Variants in DNAJC5B observed in about 807,000 individuals in gnomAD.
DNAJC5B encodes DnaJ heat shock protein family (Hsp40) member C5 beta, also known as dnaJ homolog subfamily C member 5B.
In DNAJC5B, 23 loss-of-function variants were observed where a neutral mutation model predicts 24.7. That is an observed-to-expected ratio of 0.93 (90% CI 0.67 to 1.32). The LOEUF is 1.32. Among genes scored for constraint, DNAJC5B ranks in the 40% most tolerant of loss-of-function variants. DNAJC5B has a pLI of 0.00. For synonymous variants in DNAJC5B, 101 were observed against 90.1 expected (o/e 1.12, Z -0.68); for missense variants, 238 against 240.8 (o/e 0.99, Z 0.08).
intron 5 of DNAJC5B, among the ~76,000 whole-genome samples, chr8:66,089,162 G>T (rs1563611743): frequency 6.6e-6 from 1 of 152,210 alleles, no homozygotes; most frequent in East Asian, 1.9e-4. Context: ...TGAAGGAGAA[G>T]CAAGCACCTT....
chr8:66,053,385 C>T (rs1185946772), intron 3 of DNAJC5B, among the ~76,000 whole-genome samples: 2 of 152,068 alleles, frequency 1.3e-5, no homozygotes, highest in Non-Finnish European at 1.5e-5. Flanking sequence ...TTAAGATTCA[C>T]CTGTGGGTTT....
chr8:66,080,398 C>G lies in DNAJC5B; in HGVS notation c.355C>G (p.Leu119Val). ...CTAGGCCCTGTTTGTCATCGTTGGC[C>G]TCTTGACGGGCTGCTACTTTTGCTG... ...WAKALFVIVG[L>V]LTGCYFCCCL... Residue 119 changes from leucine (L) to valine (V), a missense_variant, in exon 5 of 6, where the codon CTC becomes GTC. Leu to Val is a conservative substitution (Grantham distance 32, BLOSUM62 1). Coordinates refer to ENST00000276570, the MANE Select transcript of DNAJC5B (RefSeq NM_033105.6). 1 of 1,613,448 alleles carries G rather than the reference C, an allele frequency of 6.2e-7. No homozygotes were observed. Among genetic ancestry groups the G allele is most frequent in the South Asian group, 1.1e-5 (1 of 91,002 alleles).
chr8:66,099,110 T>C (rs943263184), intron 5 of DNAJC5B, among the ~76,000 whole-genome samples: 1 of 151,940 alleles, frequency 6.6e-6, no homozygotes, highest in Non-Finnish European at 1.5e-5. Flanking sequence ...GAGCTCATGT[T>C]TCTTGCAATT....
intron 3 of DNAJC5B, among the ~76,000 whole-genome samples, chr8:66,069,102 GA>G (rs1399155378): frequency 2.0e-5 from 3 of 150,962 alleles, no homozygotes; most frequent in Non-Finnish European, 4.4e-5. Flanking sequence ...AACCAACAGG[GA>G]AAAAAAGTAG....
chr8:66,087,585 G>A (rs1807755519), intron 5 of DNAJC5B, among the ~76,000 whole-genome samples: 1 of 152,146 alleles, frequency 6.6e-6, no homozygotes, highest in East Asian at 1.9e-4. Flanking sequence ...AAAATCAAAA[G>A]CAAGTTAGTT....
At chr8:66,074,650 G>T (rs951226849) in intron 3 of DNAJC5B, among the ~76,000 whole-genome samples, 3 of 152,122 alleles carry the variant, frequency 2.0e-5, no homozygotes, top group Admixed American at 1.3e-4. Flanking sequence ...CAATGGATAG[G>T]TGCCTATTCT....
chr8:66,024,417 T>TC (rs1366389628), intron 1 of DNAJC5B, among the ~76,000 whole-genome samples: 6 of 125,872 alleles, frequency 4.8e-5, no homozygotes, highest in African/African-American at 1.7e-4. Context: ...TTTTTTTTTT[T>TC]TTTTAATGTT....
At chr8:66,020,823 A>T (rs1806101823), upstream of DNAJC5B, among the ~76,000 whole-genome samples, 1 of 152,032 alleles carries the variant, frequency 6.6e-6, no homozygotes, top group South Asian at 2.1e-4. Flanking sequence ...TTTTTTGTAG[A>T]GATAGGGTCT....
chr8:66,043,821 CTTTTTTTT>C (rs11449089), intron 2 of DNAJC5B, among the ~76,000 whole-genome samples: 1 of 130,646 alleles, frequency 7.7e-6, no homozygotes, highest in Non-Finnish European at 1.6e-5. Context: ...TGAAAAGAAC[CTTTTTTTT>C]TTTTTTTTTT....
chr8:66,099,907 T>A, intron 5 of DNAJC5B, 30 bp from the exon 6 acceptor site: 1 of 1,587,366 alleles, frequency 6.3e-7, no homozygotes, highest in Middle Eastern at 1.7e-4. Context: ...ATGATGAGAG[T>A]GTTTATTGCT....
chr8:66,015,838 C>T, the DNAJC5B span, among the ~76,000 whole-genome samples: 1 of 152,202 alleles, frequency 6.6e-6, no homozygotes, highest in Non-Finnish European at 1.5e-5. Context: ...AGGCTCACCA[C>T]TAAGAATGAG....
chr8:66,086,167 T>A (rs117842460), intron 5 of DNAJC5B, among the ~76,000 whole-genome samples: 2 of 152,228 alleles, frequency 1.3e-5, no homozygotes, highest in Admixed American at 6.5e-5. Context: ...ATTTAACAGT[T>A]TGGATTTTTG....
At chr8:66,076,620 C>A in intron 3 of DNAJC5B, 40 bp from the exon 4 acceptor site, 3 of 1,607,240 alleles carry the variant, frequency 1.9e-6, no homozygotes, top group South Asian at 2.2e-5. Flanking sequence ...TCATTCTTGT[C>A]AAATAACACA....
At chr8:66,067,432 C>T (rs1807244883) in intron 3 of DNAJC5B, among the ~76,000 whole-genome samples, 1 of 152,046 alleles carries the variant, frequency 6.6e-6, no homozygotes. Flanking sequence ...AGAAGGAAAT[C>T]TTCTGTGGTT....
At chr8:66,080,883 A>C (rs1807581573) in intron 5 of DNAJC5B, among the ~76,000 whole-genome samples, 1 of 152,190 alleles carries the variant, frequency 6.6e-6, no homozygotes, top group Admixed American at 6.5e-5. Flanking sequence ...CAGGAGAACC[A>C]AGGTAGAAAT....
upstream of DNAJC5B, among the ~76,000 whole-genome samples, chr8:66,017,679 G>A (rs182803280): frequency 1.7e-3 from 262 of 152,304 alleles, no homozygotes; most frequent in African/African-American, 6.0e-3. Flanking sequence ...TCTCGTAACT[G>A]TTGTTATGCT....
intron 3 of DNAJC5B, among the ~76,000 whole-genome samples, chr8:66,067,684 G>A (rs928245247): frequency 1.3e-5 from 2 of 152,170 alleles, no homozygotes; most frequent in Non-Finnish European, 2.9e-5. Context: ...CTAGCCATGA[G>A]GAAAAGCCAC....
rs113252172 is a variant in DNAJC5B, at chr8:66,062,859, G to A, written c.119+11193G>A. ...AACAAAACCCTAAATAGATATTAAC[G>A]TATAGACAGGCTTGGTGGCATGTGC... is the stretch of plus-strand genomic sequence containing the variant. On this transcript the variant is annotated intron_variant, in intron 3 of 5. Coordinates refer to ENST00000276570, the MANE Select transcript of DNAJC5B (RefSeq NM_033105.6). Among the ~76,000 whole-genome samples the A allele has an allele frequency of 6.0e-3, 905 of 152,070 alleles. 12 individuals carry two copies. Among genetic ancestry groups the A allele is most frequent in the African/African-American group, 0.021 (864 of 41,458 alleles).
chr8:66,099,862 A>T (rs1808035011), intron 5 of DNAJC5B, 75 bp from the exon 6 acceptor site: 1 of 1,330,942 alleles, frequency 7.5e-7, no homozygotes. Flanking sequence ...TTCAACAAAA[A>T]TACCTATCAC....
Sources: allele counts gnomAD v4.1 joint callset (sites outside exome capture counted in the v4.1 genomes callset), GRCh38; gene constraint gnomAD v4.1.1; transcripts MANE v1.5; gene names NCBI Gene and HGNC (gene_info 2026-07-23, HGNC 2026-07-21).